The following PRELID2 variants were observed in gnomAD, a reference collection of about 807,000 sequenced individuals.
PRELID2 encodes PRELI domain containing 2.
In PRELID2, 25 loss-of-function variants were observed where a neutral mutation model predicts 28.4. The ratio of observed to expected loss-of-function variants is 0.88; its 90% CI spans 0.64 to 1.23. PRELID2 has a LOEUF of 1.23. Among genes scored for constraint, PRELID2 ranks in the 50% most tolerant of loss-of-function variants. The pLI is 0.00. For missense variants in PRELID2, 201 were observed against 214.4 expected (o/e 0.94, Z 0.39); for synonymous variants, 76 against 71.6 (o/e 1.06, Z -0.31).
intron 1 of PRELID2, among the ~76,000 whole-genome samples, chr5:145,620,401 G>A (rs1017188545): frequency 2.6e-5 from 4 of 152,114 alleles, no homozygotes; most frequent in African/African-American, 7.2e-5. Flanking sequence ...TTGGACTTTG[G>A]CTGATAATGA....
chr5:145,405,909 T>C, the PRELID2 span, among the ~76,000 whole-genome samples: 1 of 151,618 alleles, frequency 6.6e-6, no homozygotes, highest in Non-Finnish European at 1.5e-5. Context: ...GTTTCACCGT[T>C]TTAGCCAGGA....
the PRELID2 span, chr5:145,229,726 G>C: frequency 1.3e-6 from 1 of 754,732 alleles, no homozygotes; most frequent in Non-Finnish European, 2.4e-6. Flanking sequence ...ACCACAGACC[G>C]GGAAGTGCAC....
intron 5 of PRELID2, among the ~76,000 whole-genome samples, chr5:145,782,175 T>C (rs1275396049): frequency 1.3e-5 from 2 of 152,176 alleles, no homozygotes; most frequent in African/African-American, 2.4e-5. Flanking sequence ...CAAAGTCATA[T>C]GTACACCCAG....
chr5:145,551,067 C>A (rs926435634), intron 1 of PRELID2, among the ~76,000 whole-genome samples: 2 of 152,042 alleles, frequency 1.3e-5, no homozygotes, highest in African/African-American at 4.8e-5. Flanking sequence ...TTTAAACTAA[C>A]ATTTGCATTT....
chr5:145,783,364 T>C (rs1297829855), intron 5 of PRELID2, among the ~76,000 whole-genome samples: 1 of 152,218 alleles, frequency 6.6e-6, no homozygotes, highest in African/African-American at 2.4e-5. Flanking sequence ...ACTTACAGAA[T>C]ACTCATTTCC....
intron 1 of PRELID2, among the ~76,000 whole-genome samples, chr5:145,712,820 A>G (rs1036546358): frequency 1.3e-5 from 2 of 152,156 alleles, no homozygotes; most frequent in Non-Finnish European, 2.9e-5. Flanking sequence ...CTATTTCAGC[A>G]GAGATGAAAG....
intron 1 of PRELID2, chr5:145,703,797 C>T (rs1335242625): frequency 6.6e-6 from 1 of 152,182 alleles, no homozygotes; most frequent in Non-Finnish European, 1.5e-5. Context: ...ACCTGTCCTC[C>T]ACACCTGAGT....
the PRELID2 span, among the ~76,000 whole-genome samples, chr5:145,408,350 A>G: frequency 6.7e-6 from 1 of 149,692 alleles, no homozygotes; most frequent in Non-Finnish European, 1.5e-5. Context: ...TGATTAAGCT[A>G]CTCAAGGAGG....
At chr5:145,373,997 T>C in the PRELID2 span, among the ~76,000 whole-genome samples, 1 of 147,810 alleles carries the variant, frequency 6.8e-6, no homozygotes, top group African/African-American at 2.5e-5. Flanking sequence ...AAGTTAGTAT[T>C]ATTATGTGTG....
chr5:145,811,967 G>A (rs1753976209), intron 4 of PRELID2, among the ~76,000 whole-genome samples: 1 of 152,174 alleles, frequency 6.6e-6, no homozygotes. Flanking sequence ...TTTCTGTTCA[G>A]GTGCCTACCC....
At position 145,774,365 on chromosome 5, in the gene PRELID2, G is replaced by A. The variant is rs374653312; in HGVS notation, c.475-9365C>T. Among the ~76,000 whole-genome samples, 308 of 152,300 alleles carry A rather than the reference G, an allele frequency of 2.0e-3. 1 individual carries two copies. The highest frequency in any genetic ancestry group is 6.6e-3 in the African/African-American group (276 of 41,560). On this transcript the variant is annotated intron_variant, in intron 5 of 6. Transcript: ENST00000683046. ...CTTACCTCACTGAATGTGTTTCTGT[G>A]CCTGAAAATGTGTAGAGGGAAGAGA... is the stretch of plus-strand genomic sequence containing the variant.
chr5:145,820,101 G>T (rs878899303), intron 2 of PRELID2, 83 bp from the exon 3 acceptor site: 9 of 745,462 alleles, frequency 1.2e-5, no homozygotes, highest in East Asian at 5.4e-5. Flanking sequence ...CGGGGGTGGG[G>T]TTTTTTTGTT....
the PRELID2 span, among the ~76,000 whole-genome samples, chr5:145,257,709 T>C: frequency 6.6e-6 from 1 of 152,166 alleles, no homozygotes; most frequent in Non-Finnish European, 1.5e-5. Context: ...GAAGTAGACT[T>C]CAAGATGAAG....
chr5:145,498,396 G>GCACA (rs1394675879), intron 1 of PRELID2, among the ~76,000 whole-genome samples: 1 of 152,276 alleles, frequency 6.6e-6, no homozygotes, highest in East Asian at 1.9e-4. Context: ...ATGGTGGCGT[G>GCACA]CATCTGCAGT....
rs778219046 is a variant in PRELID2 at position 145,615,320 on chromosome 5, T to TATAGGTGGTAGATAGTTGGTTGGTGAA, written n.71-142006_71-142005insTTCACCAACCAACTATCTACCACCTAT. On this transcript the variant is annotated intron_variant and non_coding_transcript_variant, in intron 1 of 2. Coordinates refer to the PRELID2 transcript ENST00000510259. ...GTCCTTATGTGTTATGTGAGTCTCTTTTTTTTGTTTTTTTTTTTTTTTTTT... is the reference window on the plus strand; with the variant it reads ...GTCCTTATGTGTTATGTGAGTCTCTTATAGGTGGTAGATAGTTGGTTGGTGAATTTTTTGTTTTTTTTTTTTTTTTTT... Among the ~76,000 whole-genome samples, 324 of 107,878 alleles carry TATAGGTGGTAGATAGTTGGTTGGTGAA rather than the reference T, an allele frequency of 3.0e-3. 2 individuals are homozygous for TATAGGTGGTAGATAGTTGGTTGGTGAA. The highest frequency in any genetic ancestry group is 7.3e-3 in the Admixed American group (56 of 7,674). 70.8% of individuals were successfully genotyped at this position (107,878 alleles called of 152,430 possible). A position where few individuals can be genotyped will look rare whatever the true frequency, so the allele number is the denominator to read the frequency against.
the PRELID2 span, among the ~76,000 whole-genome samples, chr5:145,319,724 T>C: frequency 6.7e-6 from 1 of 150,060 alleles, no homozygotes; most frequent in Non-Finnish European, 1.5e-5. Flanking sequence ...AATAAATAAA[T>C]AAATAATTTT....
At chr5:145,498,367 A>C (rs1353985552) in intron 1 of PRELID2, among the ~76,000 whole-genome samples, 1 of 152,150 alleles carries the variant, frequency 6.6e-6, no homozygotes, top group African/African-American at 2.4e-5. Flanking sequence ...CAAATGATTA[A>C]AATTCTACAC....
At chr5:145,377,461 G>C in the PRELID2 span, among the ~76,000 whole-genome samples, 2 of 151,252 alleles carry the variant, frequency 1.3e-5, no homozygotes, top group Non-Finnish European at 2.9e-5. Context: ...ACTGTCAGTG[G>C]GGAATTAAAG....
intron 1 of PRELID2, among the ~76,000 whole-genome samples, chr5:145,709,331 C>T (rs938466809): frequency 1.3e-5 from 2 of 152,140 alleles, no homozygotes; most frequent in South Asian, 2.1e-4. Flanking sequence ...GTGCTATCTC[C>T]CCCAGGTGAT....
Sources: allele counts gnomAD v4.1 joint callset (sites outside exome capture counted in the v4.1 genomes callset), GRCh38; gene constraint gnomAD v4.1.1; transcripts MANE v1.5; gene names NCBI Gene and HGNC (gene_info 2026-07-23, HGNC 2026-07-21).